Variants in CLCN2 observed in about 807,000 individuals in gnomAD.
The protein encoded by CLCN2 is chloride voltage-gated channel 2.
In CLCN2, 72 loss-of-function variants were observed where a neutral mutation model predicts 108.3. That is an observed-to-expected ratio of 0.66 (90% CI 0.55 to 0.81). The LOEUF is 0.81. Ranked by LOEUF, CLCN2 falls within the 30% of genes least tolerant of loss-of-function variation. CLCN2 has a pLI of 0.00. For synonymous variants in CLCN2, 471 were observed against 467.1 expected (o/e 1.01, Z -0.11); for missense variants, 1,048 against 1,205.2 (o/e 0.87, Z 1.93).
Position 184,354,206 on chromosome 3 carries a change from A to T in CLCN2, c.1616T>A (p.Ile539Asn). The T allele has an allele frequency of 6.2e-7, 1 of 1,613,342 alleles. No individual in the cohort carries two copies. ...ACTCTGGGCGACAGCGTTGGCCAGG[A>T]TGACGGCGATCATGACAGGCAGGAT... ...AHILPVMIAV[I>N]LANAVAQSLQ... is the part of the protein sequence containing the mutation. The change falls in exon 15 of 24, where the codon ATC (isoleucine) becomes AAC (asparagine). Residue 539 changes from isoleucine (I) to asparagine (N), a missense_variant. Coordinates refer to ENST00000265593, the MANE Select transcript of CLCN2 (RefSeq NM_004366.6).
intron 17 of CLCN2, 26 bp from the exon 18 acceptor site, chr3:184,353,173 A>G: frequency 6.2e-7 from 1 of 1,612,824 alleles, no homozygotes; most frequent in African/African-American, 1.3e-5. Context: ...GGGGCTGGTG[A>G]GGCCACGGCC....
In CLCN2 at chr3:184,354,885, C is replaced by A; in HGVS notation, c.1396+19G>T. On this transcript the variant is annotated intron_variant, in intron 13 of 23. Coordinates refer to ENST00000265593, the MANE Select transcript of CLCN2 (RefSeq NM_004366.6). ...CTGAGGAAGGTGCAGGCTGGGTGAG[C>A]AGGCAGCTGAGAACTCACCAATGAC... 1.2e-6 allele frequency: 2 copies of A among 1,611,002 alleles called. No individual in the cohort carries two copies. The highest frequency in any genetic ancestry group is 1.7e-4 in the Middle Eastern group (1 of 6,056).
intron 22 of CLCN2, chr3:184,348,615 G>C (rs952073346): frequency 6.6e-5 from 10 of 151,696 alleles, no homozygotes; most frequent in African/African-American, 2.2e-4. Context: ...TAATTTCCTT[G>C]TCTGACTTCA....
At chr3:184,354,749 G>T in intron 13 of CLCN2, 91 bp from the exon 14 acceptor site, 1 of 1,306,614 alleles carries the variant, frequency 7.7e-7, no homozygotes, top group Non-Finnish European at 1.1e-6. Context: ...TGAGGGAGGG[G>T]CCAACGGGTC....
intron 22 of CLCN2, among the ~76,000 whole-genome samples, 165 bp downstream of exon 22, chr3:184,351,847 AC>A (rs1248595888): frequency 6.6e-6 from 1 of 151,762 alleles, no homozygotes; most frequent in Non-Finnish European, 1.5e-5. Context: ...GGCTGCTCCC[AC>A]CTCCCATCAT....
Position 184,355,022 on chromosome 3 carries a change from G to A in CLCN2, c.1327-49C>T, listed in dbSNP as rs1728441283. The A allele has an allele frequency of 6.4e-7, 1 of 1,566,240 alleles. No individual in the cohort carries two copies. Among genetic ancestry groups the A allele is most frequent in the African/African-American group, 1.4e-5 (1 of 73,930 alleles). ...GGCGAAGAGGCTCCACCTGGCCCCAGGCAGCCCACAGCGCCACCCAGGAGA... is the reference window on the plus strand; with the variant it reads ...GGCGAAGAGGCTCCACCTGGCCCCAAGCAGCCCACAGCGCCACCCAGGAGA... On this transcript the variant is annotated intron_variant, in intron 12 of 23. Coordinates refer to ENST00000265593, the MANE Select transcript of CLCN2 (RefSeq NM_004366.6). The surrounding 1 kb of genome is among the most constrained non-coding windows in gnomAD (Gnocchi z 6.3).
intron 15 of CLCN2, 100 bp downstream of exon 15, chr3:184,354,001 G>C: frequency 7.2e-7 from 1 of 1,397,760 alleles, no homozygotes; most frequent in Admixed American, 1.9e-5. Context: ...TCATCTCCCA[G>C]CTTCGTAGGC....
chr3:184,355,314 G>A lies in CLCN2; in HGVS notation c.1326+60C>T. On this transcript the variant is annotated intron_variant, in intron 12 of 23. Coordinates refer to ENST00000265593, the MANE Select transcript of CLCN2 (RefSeq NM_004366.6). This position sits in a 1 kb window ranked among gnomAD's most constrained non-coding sequence, Gnocchi z 6.3. ...AGGCTTCGAGGAGTGAGCACTGCGT[G>A]GCAGGTGCTTAGAAGGGCAAGCTAT... The A allele has an allele frequency of 6.4e-7, 1 of 1,553,664 alleles. No individual in the cohort carries two copies. Among genetic ancestry groups the A allele is most frequent in the Non-Finnish European group, 8.9e-7 (1 of 1,125,912 alleles).
In CLCN2 at chr3:184,361,290, C is replaced by A. The variant is rs1300816248; in HGVS notation, c.63+127G>T. On this transcript the variant is annotated intron_variant, in intron 1 of 23. Transcript: ENST00000265593. This position sits in a 1 kb window ranked among gnomAD's most constrained non-coding sequence, Gnocchi z 6.6. ...GGCCCTGCAGCCTCAGACTTCCAAGCCTCAGTTTCCCCAGCTCAAAATGCT... is the reference window on the plus strand; with the variant it reads ...GGCCCTGCAGCCTCAGACTTCCAAGACTCAGTTTCCCCAGCTCAAAATGCT... 2 of 1,038,256 alleles carry A rather than the reference C, an allele frequency of 1.9e-6. No homozygotes were observed. The highest frequency in any genetic ancestry group is 4.8e-5 in the East Asian group (2 of 41,428). The allele number at this position is 1,038,256 out of a possible 1,614,324, so 64.3% of individuals were successfully genotyped here.
chr3:184,347,454 C>T, intron 22 of CLCN2: 1 of 322,598 alleles, frequency 3.1e-6, no homozygotes, highest in Non-Finnish European at 6.0e-6. Flanking sequence ...GTGACTTGTT[C>T]CAGGCGGGTC....
At chr3:184,356,888 A>C (rs1268441804) in intron 10 of CLCN2, 105 bp downstream of exon 10, 2 of 778,832 alleles carry the variant, frequency 2.6e-6, no homozygotes, top group Non-Finnish European at 4.6e-6. Flanking sequence ...TTCTCAGTGA[A>C]GTGCCTGTTT....
Position 184,355,804 on chromosome 3 carries a change from C to G in CLCN2, c.1086-26G>C. 1.2e-6 allele frequency: 2 copies of G among 1,606,806 alleles called. No homozygotes were observed. The highest frequency in any genetic ancestry group is 1.7e-6 in the Non-Finnish European group (2 of 1,174,204). On this transcript the variant is annotated intron_variant, in intron 10 of 23. Coordinates refer to ENST00000265593, the MANE Select transcript of CLCN2 (RefSeq NM_004366.6). This position sits in a 1 kb window ranked among gnomAD's most constrained non-coding sequence, Gnocchi z 6.3. ...CTAGAGTCGTAGGTTTCACATCAGT[C>G]GTGGGTGGCCAAGGGCTGGGTGGCC... is the stretch of plus-strand genomic sequence containing the variant.
chr3:184,360,870 TC>T, intron 1 of CLCN2, among the ~76,000 whole-genome samples: 1 of 152,264 alleles, frequency 6.6e-6, no homozygotes, highest in South Asian at 2.1e-4. Context: ...AAAGCTCCTG[TC>T]CCCCAGAGTG....
At position 184,355,061 on chromosome 3, in the gene CLCN2, G is replaced by A; in HGVS notation, c.1327-88C>T. 7.8e-7 allele frequency: 1 copy of A among 1,285,368 alleles called. No homozygotes were observed. Among genetic ancestry groups the A allele is most frequent in the Admixed American group, 1.7e-5 (1 of 57,206 alleles). 79.6% of individuals were successfully genotyped at this position (1,285,368 alleles called of 1,614,324 possible). A position where few individuals can be genotyped will look rare whatever the true frequency, so the allele number is the denominator to read the frequency against. On this transcript the variant is annotated intron_variant, in intron 12 of 23. Coordinates refer to ENST00000265593, the MANE Select transcript of CLCN2 (RefSeq NM_004366.6). This position sits in a 1 kb window ranked among gnomAD's most constrained non-coding sequence, Gnocchi z 6.3. ...CCACCCAGGAGAAGTCTACCTCGCT[G>A]ATCAGGTGGGCGTAACCCTCCCAGC...
chr3:184,348,317 G>A (rs1460119865), intron 22 of CLCN2: 1 of 152,012 alleles, frequency 6.6e-6, no homozygotes, highest in Non-Finnish European at 1.5e-5. Context: ...CCTGCAATAT[G>A]CGAAACCCTG....
rs1217596296 is a variant in CLCN2 at position 184,355,721 on chromosome 3, AG to A, written c.1142del (p.Pro381LeufsTer35). ...GTCCAGCCATGAACTGTCCAAAGCC[AG>A]GGGGGAAGGTCAGCGTGGAGATGAG... ...TLLISTLTFPPGFGQFMAGQL... is the reference protein window; with the variant it reads ...TLLISTLTFPXGFGQFMAGQL... On this transcript the variant is annotated frameshift_variant, in exon 11 of 24. Coordinates refer to ENST00000265593, the MANE Select transcript of CLCN2 (RefSeq NM_004366.6). LOFTEE classifies it high-confidence loss of function. This position sits in a 1 kb window ranked among gnomAD's most constrained non-coding sequence, Gnocchi z 6.3. The A allele has an allele frequency of 7.4e-6, 12 of 1,614,084 alleles. No homozygotes were observed. The highest frequency in any genetic ancestry group is 9.3e-6 in the Non-Finnish European group (11 of 1,179,960).
At position 184,361,566 on chromosome 3, in the gene CLCN2, C is replaced by T. The variant is rs1712132602; in HGVS notation, c.-87G>A. The T allele has an allele frequency of 2.7e-6, 4 of 1,473,222 alleles. No individual in the cohort carries two copies. Among genetic ancestry groups the T allele is most frequent in the Admixed American group, 1.7e-5 (1 of 57,384 alleles). 91.3% of individuals were successfully genotyped at this position (1,473,222 alleles called of 1,614,324 possible). A position where few individuals can be genotyped will look rare whatever the true frequency, so the allele number is the denominator to read the frequency against. Reference sequence around the variant, plus strand: ...GGCCCGCAAAGTCCGCGCCGGCAGCCGTCCCGTCCCCGCAGCCCGGGAGGC... The same window carrying T: ...GGCCCGCAAAGTCCGCGCCGGCAGCTGTCCCGTCCCCGCAGCCCGGGAGGC... On this transcript the variant is annotated 5_prime_UTR_variant, in exon 1 of 24. Coordinates refer to ENST00000265593, the MANE Select transcript of CLCN2 (RefSeq NM_004366.6). The surrounding 1 kb of genome is among the most constrained non-coding windows in gnomAD (Gnocchi z 6.6).
At chr3:184,347,099 C>A in intron 22 of CLCN2, 78 bp from the exon 23 acceptor site, 1 of 1,281,322 alleles carries the variant, frequency 7.8e-7, no homozygotes, top group Non-Finnish European at 1.1e-6. Context: ...GGGCCCAGGA[C>A]AAGGTTGGTG....
In CLCN2 at chr3:184,358,062, C is replaced by A; in HGVS notation, c.515G>T (p.Arg172Leu). 6.2e-7 allele frequency: 1 copy of A among 1,614,116 alleles called. No individual in the cohort carries two copies. The highest frequency in any genetic ancestry group is 8.5e-7 in the Non-Finnish European group (1 of 1,180,038). The change falls in exon 5 of 24, where the codon CGG becomes CTG. Residue 172 changes from arginine (R) to leucine (L), a missense_variant. Transcript: ENST00000265593. ...GAGGTATTCTTTCAGCACCACTCCC[C>A]GCAAGATGGTCTTCATCTCAGGGAT... The part of the protein sequence containing the change: ...SGIPEMKTIL[R>L]GVVLKEYLTL...
Sources: gnomAD v4.1 joint callset for allele counts (sites outside exome capture counted in the v4.1 genomes callset) on GRCh38, gnomAD v4.1.1 for gene constraint, Gnocchi (gnomAD v3.1) non-coding constraint, MANE v1.5 for transcripts, NCBI Gene and HGNC (gene_info 2026-07-23, HGNC 2026-07-21) for gene names.